Variants in GRIN2A observed in about 807,000 individuals in gnomAD.
GRIN2A encodes glutamate ionotropic receptor NMDA type subunit 2A.
GRIN2A carries 22 observed loss-of-function variants against 113.4 expected under a neutral mutation model. The ratio of observed to expected loss-of-function variants is 0.19; its 90% confidence interval spans 0.14 to 0.28. The LOEUF is 0.28. Among genes scored for constraint, GRIN2A ranks in the 10% least tolerant of loss-of-function variants. GRIN2A has a pLI of 1.00. For synonymous variants in GRIN2A, 827 were observed against 738.4 expected (o/e 1.12, Z -1.94); for missense variants, 1,502 against 1,887.0 (o/e 0.80, Z 3.78).
At chr16:10,140,765 T>C (rs12598874) in intron 2 of GRIN2A, among the ~76,000 whole-genome samples, 29,286 of 152,170 alleles carry the variant, frequency 0.19, 3,638 homozygotes, top group East Asian at 0.49. Context: ...CTGGGACTTC[T>C]GATGAAGCGA....
At chr16:9,988,430 C>G (rs1189060308) in intron 2 of GRIN2A, among the ~76,000 whole-genome samples, 2 of 152,104 alleles carry the variant, frequency 1.3e-5, no homozygotes, top group African/African-American at 4.8e-5. Flanking sequence ...TTTCCAAAAT[C>G]AAGCTTCAAG....
chr16:10,176,554 A>G (rs1339738007), intron 2 of GRIN2A, among the ~76,000 whole-genome samples: 1 of 152,144 alleles, frequency 6.6e-6, no homozygotes, highest in Admixed American at 6.5e-5. Context: ...TTGTAGGCAC[A>G]CGGATGAAGC....
At position 10,061,046 on chromosome 16, in the gene GRIN2A, G is replaced by C. The variant is rs150842020; in HGVS notation, c.414+118952C>G. Among the ~76,000 whole-genome samples, 877 of 152,308 alleles carry C rather than the reference G, an allele frequency of 5.8e-3. 7 individuals carry two copies. Among genetic ancestry groups the C allele is most frequent in the African/African-American group, 0.02 (815 of 41,570 alleles). On this transcript the variant is annotated intron_variant, in intron 2 of 12. Coordinates refer to ENST00000330684, the MANE Select transcript of GRIN2A (RefSeq NM_001134407.3). Reference sequence around the variant, plus strand: ...TATTCCCCAGCCTTCCTCCCTATCAGAGATGACCAACAATAGACTGAAATG... The same window carrying C: ...TATTCCCCAGCCTTCCTCCCTATCACAGATGACCAACAATAGACTGAAATG...
chr16:9,764,423 T>C lies in GRIN2A; in HGVS notation c.3121A>G (p.Asn1041Asp). The change falls in exon 13 of 13, where the codon AAT becomes GAT. Residue 1041 changes from asparagine to aspartate, a missense_variant. Around this residue, in one of 7 missense-constraint regions of GRIN2A, gnomAD observed 832 missense variants for 789.7 expected, o/e 1.05. Transcript: ENST00000330684. ...GGGCTCTTTAGGGAGTGGGTCCTAT[T>C]CTCTGCTGTTGCCTCATCCCTCTGG... ...VSQRDEATAE[N>D]RTHSLKSPRY... is the part of the protein sequence containing the mutation. 2 of 1,614,082 alleles carry C rather than the reference T, an allele frequency of 1.2e-6. No homozygotes were observed. The highest frequency in any genetic ancestry group is 1.7e-6 in the Non-Finnish European group (2 of 1,179,938).
intron 3 of GRIN2A, among the ~76,000 whole-genome samples, chr16:9,916,346 G>T (rs1267145032): frequency 6.6e-6 from 1 of 152,184 alleles, no homozygotes; most frequent in African/African-American, 2.4e-5. Flanking sequence ...AGAGAAAGTT[G>T]CATTAAACAT....
intron 2 of GRIN2A, among the ~76,000 whole-genome samples, chr16:10,046,047 G>C (rs957653118): frequency 1.3e-5 from 2 of 152,142 alleles, no homozygotes; most frequent in African/African-American, 4.8e-5. Flanking sequence ...TTCGGGGAGG[G>C]AAAGACAAAA....
At chr16:9,811,746 G>A (rs1187733071) in intron 10 of GRIN2A, among the ~76,000 whole-genome samples, 1 of 152,162 alleles carries the variant, frequency 6.6e-6, no homozygotes, top group Non-Finnish European at 1.5e-5. Flanking sequence ...GTGACAGAGT[G>A]AGGCTCTGTC....
chr16:10,084,744 C>CTTTATTTATTTATTTATTTATTTATTTA (rs144403767), intron 2 of GRIN2A, among the ~76,000 whole-genome samples: 127 of 147,130 alleles, frequency 8.6e-4, no homozygotes, highest in African/African-American at 2.2e-3. Flanking sequence ...CCACCTGACA[C>CTTTATTTATTTATTTATTTATTTATTTA]TTTATTTATT....
At position 9,924,120 on chromosome 16, in the gene GRIN2A, A is replaced by C. The variant is rs530765768; in HGVS notation, c.1007+13839T>G. ...AGTGAGACTTGGTCTCAAAAAAAAA[A>C]AAAAAAAAAAAAAAAAAAACAAAAA... is the stretch of plus-strand genomic sequence containing the variant. On this transcript the variant is annotated intron_variant, in intron 3 of 12. Transcript: ENST00000330684. Among the ~76,000 whole-genome samples the C allele has an allele frequency of 1.3e-4, 19 of 150,656 alleles. No individual in the cohort carries two copies. In the South Asian group the frequency reaches 1.7e-3, roughly 13 times the overall value.
intron 2 of GRIN2A, among the ~76,000 whole-genome samples, chr16:10,085,723 T>C (rs529127928): frequency 1.5e-3 from 222 of 152,144 alleles, no homozygotes; most frequent in Non-Finnish European, 2.5e-3. Flanking sequence ...AGCCAAATGA[T>C]GGTTAGCAAG....
rs570457183 is a variant in GRIN2A at position 9,840,926 on chromosome 16, G to C, written c.1497+10C>G. The C allele has an allele frequency of 6.2e-7, 1 of 1,613,022 alleles. No homozygotes were observed. The highest frequency in any genetic ancestry group is 8.5e-7 in the Non-Finnish European group (1 of 1,179,448). On this transcript the variant is annotated intron_variant, in intron 6 of 12. Coordinates refer to ENST00000330684, the MANE Select transcript of GRIN2A (RefSeq NM_001134407.3). ...TGAGTAAGAGCCTAGGGGATGAAAA[G>C]ATAACTTACTTCACCGATCATTCCA...
intron 2 of GRIN2A, among the ~76,000 whole-genome samples, chr16:10,056,493 C>T (rs1473640858): frequency 2.6e-5 from 4 of 152,182 alleles, no homozygotes; most frequent in African/African-American, 9.7e-5. Flanking sequence ...CTCTAACCAC[C>T]TGTATTGGGT....
At chr16:10,104,015 TA>T (rs1437482226) in intron 2 of GRIN2A, among the ~76,000 whole-genome samples, 1 of 152,344 alleles carries the variant, frequency 6.6e-6, no homozygotes, top group African/African-American at 2.4e-5. Flanking sequence ...AAGCTCAGTT[TA>T]TCAATGTCCT....
chr16:10,005,275 A>G (rs1315968869), intron 2 of GRIN2A, among the ~76,000 whole-genome samples: 1 of 152,236 alleles, frequency 6.6e-6, no homozygotes, highest in East Asian at 1.9e-4. Flanking sequence ...GAAGCTACTT[A>G]TATTCTGGGC....
intron 11 of GRIN2A, among the ~76,000 whole-genome samples, chr16:9,769,466 T>A (rs60352504): frequency 7.3e-5 from 9 of 124,122 alleles, no homozygotes; most frequent in South Asian, 4.8e-4. Context: ...TTTTTTTTTT[T>A]TTTTTGGTCA....
chr16:10,168,696 G>A (rs79699251), intron 2 of GRIN2A, among the ~76,000 whole-genome samples: 3,087 of 152,238 alleles, frequency 0.02, 58 homozygotes, highest in Non-Finnish European at 0.03. Context: ...GCCAGGTGCC[G>A]TGGCTAACGC....
At chr16:9,808,926 C>T (rs1017016307) in intron 10 of GRIN2A, among the ~76,000 whole-genome samples, 2 of 151,760 alleles carry the variant, frequency 1.3e-5, no homozygotes, top group Non-Finnish European at 2.9e-5. Context: ...CAAAAAAAGT[C>T]TAGTGAGAAG....
At chr16:9,937,914 G>C in intron 3 of GRIN2A, 45 bp downstream of exon 3, 1 of 1,376,382 alleles carries the variant, frequency 7.3e-7, no homozygotes, top group Non-Finnish European at 1.0e-6. Context: ...AATGACAACA[G>C]CAAAACTCTG....
At chr16:9,922,097 T>C (rs539618818) in intron 3 of GRIN2A, among the ~76,000 whole-genome samples, 1 of 152,280 alleles carries the variant, frequency 6.6e-6, no homozygotes, top group Admixed American at 6.5e-5. Flanking sequence ...TCATTTGCCG[T>C]CTAATCTTTC....
Sources: allele counts gnomAD v4.1 joint callset (sites outside exome capture counted in the v4.1 genomes callset), GRCh38; gene constraint gnomAD v4.1.1; regional missense constraint gnomAD v4.1.1; transcripts MANE v1.5; gene names NCBI Gene and HGNC (gene_info 2026-07-23, HGNC 2026-07-21).